Variants in HDAC9 observed in about 807,000 individuals in gnomAD.
The protein encoded by HDAC9 is histone deacetylase 9.
Under a neutral mutation model 139.4 loss-of-function variants are expected in HDAC9, and 41 were observed. The observed-to-expected ratio is 0.29, with a 90% CI of 0.23 to 0.38. HDAC9 has a LOEUF of 0.38. Among genes scored for constraint, HDAC9 ranks in the 10% least tolerant of loss-of-function variants. The probability of loss-of-function intolerance (pLI) is 1.00; values close to 1 mark genes in which losing one functional copy is unlikely to be tolerated. For synonymous variants in HDAC9, 517 were observed against 476.2 expected, an observed-to-expected ratio of 1.09 and a Z score of -1.12; for missense variants, 1,147 against 1,297.0, an observed-to-expected ratio of 0.88 and a Z score of 1.78.
chr7:18,360,729 C>G (rs760905063), intron 1 of HDAC9, among the ~76,000 whole-genome samples: 3 of 152,126 alleles, frequency 2.0e-5, no homozygotes, highest in Non-Finnish European at 4.4e-5. Flanking sequence ...TAGTACATTG[C>G]TGACAATTTT....
intron 17 of HDAC9, among the ~76,000 whole-genome samples, chr7:18,813,079 T>C (rs184115911): frequency 1.3e-5 from 2 of 152,254 alleles, no homozygotes; most frequent in Admixed American, 1.3e-4. Context: ...GACATGCTTA[T>C]AATTATTTTT....
At chr7:18,879,499 A>G (rs889407210) in intron 22 of HDAC9, among the ~76,000 whole-genome samples, 2 of 152,172 alleles carry the variant, frequency 1.3e-5, no homozygotes, top group South Asian at 2.1e-4. Context: ...GAACCCAGAA[A>G]TAAGGCCACA....
At chr7:18,517,194 A>G (rs959928741) in intron 2 of HDAC9, among the ~76,000 whole-genome samples, 1 of 152,188 alleles carries the variant, frequency 6.6e-6, no homozygotes, top group Non-Finnish European at 1.5e-5. Flanking sequence ...TAAGCAGTGC[A>G]GGGCGTCATG....
At chr7:18,791,494 T>C (rs192833586) in intron 16 of HDAC9, among the ~76,000 whole-genome samples, 1 of 152,334 alleles carries the variant, frequency 6.6e-6, no homozygotes, top group Non-Finnish European at 1.5e-5. Context: ...AACAACTACT[T>C]ATTTATATTG....
chr7:18,925,524 T>G (rs951486515), intron 22 of HDAC9, among the ~76,000 whole-genome samples: 9 of 152,154 alleles, frequency 5.9e-5, no homozygotes, highest in Non-Finnish European at 1.5e-5. Flanking sequence ...ATCTCTTAAT[T>G]GAATGGATCT....
intron 6 of HDAC9, among the ~76,000 whole-genome samples, chr7:18,599,475 C>G (rs1251573659): frequency 1.3e-5 from 2 of 152,166 alleles, no homozygotes; most frequent in African/African-American, 2.4e-5. Context: ...CCTCCCCCCA[C>G]CCAACTTTTG....
At chr7:18,450,954 G>T (rs1045870042) in intron 1 of HDAC9, among the ~76,000 whole-genome samples, 1 of 152,120 alleles carries the variant, frequency 6.6e-6, no homozygotes, top group African/African-American at 2.4e-5. Context: ...TTTCTACATG[G>T]ATATATGTTC....
At chr7:18,235,658 G>A (rs1287486228) in intron 2 of HDAC9, among the ~76,000 whole-genome samples, 1 of 152,190 alleles carries the variant, frequency 6.6e-6, no homozygotes, top group Non-Finnish European at 1.5e-5. Context: ...TATTTTCAAA[G>A]CATGATCTCA....
At chr7:18,875,879 C>T (rs1799285416) in intron 22 of HDAC9, among the ~76,000 whole-genome samples, 1 of 152,070 alleles carries the variant, frequency 6.6e-6, no homozygotes, top group Admixed American at 6.6e-5. Context: ...GTTTGTACAT[C>T]AAGTTGAGAT....
chr7:18,148,710 T>C (rs1786531946), intron 1 of HDAC9, among the ~76,000 whole-genome samples: 1 of 152,164 alleles, frequency 6.6e-6, no homozygotes, highest in African/African-American at 2.4e-5. Flanking sequence ...TCCTCCCTCA[T>C]TGGCCTCCCA....
chr7:18,501,431 GTTTA>G (rs1563067615), intron 2 of HDAC9, among the ~76,000 whole-genome samples: 1 of 152,014 alleles, frequency 6.6e-6, no homozygotes, highest in Non-Finnish European at 1.5e-5. Context: ...TTTAAAAATA[GTTTA>G]TTTAACCTTA....
intron 6 of HDAC9, among the ~76,000 whole-genome samples, chr7:18,621,676 T>C (rs1162665548): frequency 6.6e-6 from 1 of 152,180 alleles, no homozygotes; most frequent in Non-Finnish European, 1.5e-5. Flanking sequence ...ATAGTTACAT[T>C]AGAAATTTTG....
At chr7:18,308,700 C>CAT (rs567043260) in intron 1 of HDAC9, among the ~76,000 whole-genome samples, 111 of 151,690 alleles carry the variant, frequency 7.3e-4, no homozygotes, top group African/African-American at 2.3e-3. Context: ...ATATAAGTTA[C>CAT]ATATATATAT....
At chr7:18,789,284 A>ACGCGCG (rs969065928) in intron 16 of HDAC9, among the ~76,000 whole-genome samples, 1 of 139,410 alleles carries the variant, frequency 7.2e-6, no homozygotes, top group Non-Finnish European at 1.6e-5. Context: ...AGACACATAC[A>ACGCGCG]CGCACACACA....
At chr7:18,277,048 C>T (rs1467148589) in intron 2 of HDAC9, among the ~76,000 whole-genome samples, 2 of 151,640 alleles carry the variant, frequency 1.3e-5, no homozygotes, top group East Asian at 1.9e-4. Context: ...GTTATTTTTA[C>T]CAGTCATTCA....
intron 2 of HDAC9, among the ~76,000 whole-genome samples, chr7:18,224,192 G>C (rs185278799): frequency 1.9e-4 from 29 of 152,194 alleles, no homozygotes; most frequent in African/African-American, 5.8e-4. Flanking sequence ...TGTTTATGAA[G>C]TCAGTGTCCA....
At position 18,990,085 on chromosome 7, in the gene HDAC9, C is replaced by A. The variant is rs560215539; in HGVS notation, c.3171-5938C>A. On this transcript the variant is annotated intron_variant, in intron 25 of 25. Coordinates refer to ENST00000686413, the MANE Select transcript of HDAC9 (RefSeq NM_178425.4). ...AGTCATTCTCCGTCCAGCTTTGTTC[C>A]ATTGCTGGTGAGGAACTGAGTTCCT... Among the ~76,000 whole-genome samples, 12 of 152,246 alleles carry A rather than the reference C, an allele frequency of 7.9e-5. No homozygotes were observed. In the East Asian group the frequency reaches 2.3e-3, roughly 29 times the overall value.
intron 12 of HDAC9, among the ~76,000 whole-genome samples, chr7:18,671,044 G>A (rs1013428770): frequency 6.6e-6 from 1 of 151,918 alleles, no homozygotes; most frequent in African/African-American, 2.4e-5. Context: ...AGGGGAAGGA[G>A]AAAGGATTTC....
intron 22 of HDAC9, among the ~76,000 whole-genome samples, chr7:18,921,911 A>T (rs1355682157): frequency 2.0e-5 from 3 of 152,128 alleles, no homozygotes; most frequent in Admixed American, 1.3e-4. Context: ...ACAAAGGATG[A>T]GTTCATGTCC....
Sources: gnomAD v4.1 joint callset for allele counts (sites outside exome capture counted in the v4.1 genomes callset) on GRCh38, gnomAD v4.1.1 for gene constraint, MANE v1.5 for transcripts, NCBI Gene and HGNC (gene_info 2026-07-23, HGNC 2026-07-21) for gene names.